The following PWWP3A variants were observed in gnomAD, a reference collection of about 807,000 sequenced individuals.
PWWP3A encodes the protein PWWP domain containing 3A, DNA repair factor.
In PWWP3A, 53 loss-of-function variants were observed where a neutral mutation model predicts 79.0. The ratio of observed to expected loss-of-function variants is 0.67; its 90% CI spans 0.54 to 0.84. PWWP3A has a LOEUF of 0.84. Ranked by LOEUF, PWWP3A falls within the 40% of genes least tolerant of loss-of-function variation. The pLI, the probability that PWWP3A is intolerant of heterozygous loss-of-function variation, is 0.00. For synonymous variants in PWWP3A, 443 were observed against 394.4 expected (o/e 1.12, Z -1.46); for missense variants, 973 against 948.0 (o/e 1.03, Z -0.35).
At chr19:1,370,273 C>G (rs959051662) in intron 11 of PWWP3A, among the ~76,000 whole-genome samples, 2 of 152,006 alleles carry the variant, frequency 1.3e-5, no homozygotes, top group African/African-American at 4.8e-5. Context: ...GATGTTTGGC[C>G]ACCACTTCAC....
chr19:1,358,351 C>T (rs777428571), intron 3 of PWWP3A, 43 bp from the exon 4 acceptor site: 11 of 1,508,342 alleles, frequency 7.3e-6, no homozygotes, highest in South Asian at 2.3e-5. Flanking sequence ...AATGTCTTGG[C>T]GGCGTTGGCT....
intron 5 of PWWP3A, 166 bp from the exon 6 acceptor site, chr19:1,362,084 T>C: frequency 2.3e-6 from 1 of 437,690 alleles, no homozygotes. Flanking sequence ...CTTTAAAATG[T>C]AGTTTATTAG....
At chr19:1,373,228 A>G (rs2082299823) in intron 13 of PWWP3A, 68 bp downstream of exon 13, 3 of 1,435,156 alleles carry the variant, frequency 2.1e-6, no homozygotes, top group East Asian at 2.3e-5. Context: ...TTCCACACCC[A>G]CAGGCAGTTT....
At chr19:1,376,220 G>A (rs981831904) in intron 13 of PWWP3A, among the ~76,000 whole-genome samples, 16 of 146,368 alleles carry the variant, frequency 1.1e-4, no homozygotes, top group Admixed American at 7.7e-4. Context: ...CCACCTCCCG[G>A]TTTCAAGCGA....
intron 13 of PWWP3A, chr19:1,373,406 G>T (rs1156631196): frequency 1.1e-5 from 6 of 555,972 alleles, no homozygotes; most frequent in Non-Finnish European, 1.6e-5. Flanking sequence ...ACGGGCACGT[G>T]CCTGGGCCGT....
chr19:1,373,008 C>A, intron 12 of PWWP3A, 64 bp from the exon 13 acceptor site: 1 of 1,481,458 alleles, frequency 6.8e-7, no homozygotes, highest in Non-Finnish European at 9.4e-7. Context: ...GCCTTCTTAA[C>A]CGCAGGCCAC....
At position 1,360,569 on chromosome 19, in the gene PWWP3A, G is replaced by C; in HGVS notation, c.648G>C (p.Lys216Asn). ...ACAAAAATTGGACTCTTGCAAGTAA[G>C]AGGGGAGGAAACTCAGCGCAGAAGG... Reference protein sequence around the residue: ...IHHKNWTLASKRGGNSAQKAS... With the variant: ...IHHKNWTLASNRGGNSAQKAS... Residue 216 changes from lysine (K) to asparagine (N), a missense_variant, in exon 5 of 14, where the codon AAG (lysine) becomes AAC (asparagine). Lys to Asn is a moderately conservative substitution (Grantham distance 94). Transcript: ENST00000591337. This position sits in a 1 kb window ranked among gnomAD's most constrained non-coding sequence, Gnocchi z 4.4. 6.2e-7 allele frequency: 1 copy of C among 1,614,244 alleles called. No individual in the cohort carries two copies. The highest frequency in any genetic ancestry group is 1.1e-5 in the South Asian group (1 of 91,084).
intron 5 of PWWP3A, 58 bp downstream of exon 5, chr19:1,361,090 C>G (rs2082005160): frequency 7.4e-7 from 1 of 1,355,840 alleles, no homozygotes; most frequent in Non-Finnish European, 9.5e-7. Context: ...TCCTCCGCAG[C>G]CAGACTGGGA....
rs938862159 is a variant in PWWP3A at position 1,360,076 on chromosome 19, C to T, written c.215-60C>T. On this transcript the variant is annotated intron_variant, in intron 4 of 13. Coordinates refer to ENST00000591337, the MANE Select transcript of PWWP3A (RefSeq NM_001369789.1). The surrounding 1 kb of genome is among the most constrained non-coding windows in gnomAD (Gnocchi z 4.4). ...GACAAGCGAGCTTCTAAAGCGATGCCGTGACCGCAGTGCCTGTGCAGTGAA... is the reference window on the plus strand; with the variant it reads ...GACAAGCGAGCTTCTAAAGCGATGCTGTGACCGCAGTGCCTGTGCAGTGAA... 3.7e-5 allele frequency: 55 copies of T among 1,477,104 alleles called. No individual in the cohort carries two copies. Among genetic ancestry groups the T allele is most frequent in the Non-Finnish European group, 4.5e-5 (50 of 1,114,652 alleles). The allele number at this position is 1,477,104 out of a possible 1,614,324, so 91.5% of individuals were successfully genotyped here. A position where few individuals can be genotyped will look rare whatever the true frequency, so the allele number is the denominator to read the frequency against.
rs759132883 is a variant in PWWP3A, at chr19:1,364,540, C to G, written c.1245C>G (p.Val415=). ...EPRSFEVGML[V]WHKHKKYPFW... is the part of the protein sequence containing the mutation. The stretch of plus-strand genomic sequence containing the variant: ...GTTCGTTTGAAGTAGGAATGCTAGT[C>G]TGGCATAAACATAAAAAATACCCCT... The change falls in exon 7 of 14, where the codon GTC becomes GTG. Residue 415 remains valine, a synonymous_variant. Coordinates refer to ENST00000591337, the MANE Select transcript of PWWP3A (RefSeq NM_001369789.1). The G allele has an allele frequency of 5.6e-6, 9 of 1,607,720 alleles. No homozygotes were observed. The highest frequency in any genetic ancestry group is 2.2e-5 in the South Asian group (2 of 88,976).
chr19:1,375,698 TTTAA>T (rs1414168231), intron 13 of PWWP3A, among the ~76,000 whole-genome samples: 1 of 108,754 alleles, frequency 9.2e-6, no homozygotes, highest in Non-Finnish European at 1.9e-5. Context: ...TATAAAACAA[TTTAA>T]TATATAATAT....
At chr19:1,376,089 G>A (rs1448235779) in intron 13 of PWWP3A, among the ~76,000 whole-genome samples, 2 of 146,360 alleles carry the variant, frequency 1.4e-5, no homozygotes, top group Admixed American at 1.4e-4. Context: ...GATTACAGGC[G>A]TGAGCCAAAG....
chr19:1,360,354 G>T lies in PWWP3A; in HGVS notation c.433G>T (p.Gly145Cys). Reference sequence around the variant, plus strand: ...ATCTCTTCCCCGCGGAGACGTGTTGGGCAGTTCCAGACCTCACAGGAGGAG... The same window carrying T: ...ATCTCTTCCCCGCGGAGACGTGTTGTGCAGTTCCAGACCTCACAGGAGGAG... ...SSSLPRGDVLGSSRPHRRRPC... is the reference protein window; with the variant it reads ...SSSLPRGDVLCSSRPHRRRPC... The change falls in exon 5 of 14, where the codon GGC becomes TGC. Residue 145 changes from glycine to cysteine, a missense_variant. By Grantham distance (159) the Gly-to-Cys change is radical. Coordinates refer to ENST00000591337, the MANE Select transcript of PWWP3A (RefSeq NM_001369789.1). The surrounding 1 kb of genome is among the most constrained non-coding windows in gnomAD (Gnocchi z 4.4). The T allele has an allele frequency of 1.2e-6, 2 of 1,614,134 alleles. No individual in the cohort carries two copies. Among genetic ancestry groups the T allele is most frequent in the Non-Finnish European group, 1.7e-6 (2 of 1,180,044 alleles).
At chr19:1,366,072 T>A (rs1325258780) in intron 7 of PWWP3A, among the ~76,000 whole-genome samples, 2 of 152,234 alleles carry the variant, frequency 1.3e-5, no homozygotes, top group Non-Finnish European at 2.9e-5. Flanking sequence ...TTCTTTTTAT[T>A]CAAAAACCCA....
rs2081970095 is a variant in PWWP3A at position 1,359,872 on chromosome 19, T to G, written c.215-264T>G. The G allele has an allele frequency of 1.2e-5, 4 of 329,124 alleles. No homozygotes were observed. The East Asian group carries it at 1.9e-4, about 16-fold the overall frequency. The allele number at this position is 329,124 out of a possible 1,614,324, so 20.4% of individuals were successfully genotyped here. Reference sequence around the variant, plus strand: ...GTATTGTTTTGTAACTTGGAGGAATTTATCTTTTTAGCCAATCAGGTTAAG... The same window carrying G: ...GTATTGTTTTGTAACTTGGAGGAATGTATCTTTTTAGCCAATCAGGTTAAG... On this transcript the variant is annotated intron_variant, in intron 4 of 13. Transcript: ENST00000591337.
At chr19:1,376,107 ACT>A (rs775895760) in intron 13 of PWWP3A, among the ~76,000 whole-genome samples, 10 of 123,966 alleles carry the variant, frequency 8.1e-5, no homozygotes, top group African/African-American at 2.5e-4. Context: ...AAGTGCCTGG[ACT>A]CTCTGTCATA....
intron 13 of PWWP3A, among the ~76,000 whole-genome samples, chr19:1,375,897 G>A (rs1312489798): frequency 1.6e-5 from 2 of 125,464 alleles, no homozygotes; most frequent in Admixed American, 8.1e-5. Context: ...CCCCCCCACC[G>A]TGCCTTGGTT....
At chr19:1,364,470 A>G (rs751210632) in intron 6 of PWWP3A, 39 bp from the exon 7 acceptor site, 4 of 1,494,220 alleles carry the variant, frequency 2.7e-6, no homozygotes, top group Admixed American at 4.0e-5. Context: ...TGACTTGTCT[A>G]TTCTTTTTTT....
intron 13 of PWWP3A, 27 bp downstream of exon 13, chr19:1,373,187 G>T: frequency 6.3e-7 from 1 of 1,598,660 alleles, no homozygotes; most frequent in South Asian, 1.1e-5. Flanking sequence ...GCTATCTCCA[G>T]CCACTTGCGT....
Sources: allele counts gnomAD v4.1 joint callset (sites outside exome capture counted in the v4.1 genomes callset), GRCh38; gene constraint gnomAD v4.1.1; non-coding constraint Gnocchi (gnomAD v3.1); transcripts MANE v1.5; gene names NCBI Gene and HGNC (gene_info 2026-07-23, HGNC 2026-07-21).